ADK: variants seen among roughly 807,000 people sequenced by gnomAD.
The protein encoded by ADK is adenosine kinase, also known as N6,N6-dimethyladenosine kinase.
In ADK, 24 loss-of-function variants were observed where a neutral mutation model predicts 44.7. That is an observed-to-expected ratio of 0.54 (90% CI 0.39 to 0.76). The LOEUF is 0.76. Ranked by LOEUF, ADK falls within the 30% of genes least tolerant of loss-of-function variation. ADK has a pLI of 0.00. For missense variants in ADK, 321 were observed against 425.1 expected, an observed-to-expected ratio of 0.76 and a Z score of 2.15; for synonymous variants, 128 against 142.6, an observed-to-expected ratio of 0.90 and a Z score of 0.73.
chr10:74,530,885 A>C (rs899428976), intron 7 of ADK, among the ~76,000 whole-genome samples: 1 of 152,152 alleles, frequency 6.6e-6, no homozygotes, highest in Admixed American at 6.5e-5. Context: ...AAATTGCACC[A>C]CTGCACTCCA....
At chr10:74,240,199 G>A (rs1564612726) in intron 3 of ADK, among the ~76,000 whole-genome samples, 1 of 151,252 alleles carries the variant, frequency 6.6e-6, no homozygotes, top group Non-Finnish European at 1.5e-5. Context: ...ATTTTTAGCA[G>A]AGACAGGGTT....
intron 9 of ADK, among the ~76,000 whole-genome samples, chr10:74,645,646 C>T (rs1854028537): frequency 6.6e-6 from 1 of 152,024 alleles, no homozygotes; most frequent in South Asian, 2.1e-4. Context: ...TCACAAAGTC[C>T]CCAATTGCTA....
At chr10:74,345,185 G>A (rs1009612450) in intron 4 of ADK, among the ~76,000 whole-genome samples, 1 of 151,994 alleles carries the variant, frequency 6.6e-6, no homozygotes, top group South Asian at 2.1e-4. Context: ...TTAGTCATTT[G>A]TGCCTTTCTA....
intron 4 of ADK, among the ~76,000 whole-genome samples, chr10:74,381,985 T>C (rs1213348536): frequency 1.3e-5 from 2 of 152,202 alleles, no homozygotes; most frequent in African/African-American, 4.8e-5. Context: ...TGGTTATTAG[T>C]TGGCATGCTT....
intron 3 of ADK, among the ~76,000 whole-genome samples, chr10:74,242,039 C>G (rs571707062): frequency 1.3e-5 from 2 of 152,274 alleles, no homozygotes; most frequent in African/African-American, 4.8e-5. Context: ...TTCAGCTATC[C>G]TTGTTTCTGT....
chr10:74,447,208 A>AG (rs752542953), intron 6 of ADK, among the ~76,000 whole-genome samples: 1 of 152,158 alleles, frequency 6.6e-6, no homozygotes, highest in African/African-American at 2.4e-5. Context: ...AATGAGACCA[A>AG]GGGGCTTACA....
At chr10:74,226,151 A>G (rs1449171905) in intron 3 of ADK, among the ~76,000 whole-genome samples, 2 of 151,768 alleles carry the variant, frequency 1.3e-5, no homozygotes, top group Non-Finnish European at 2.9e-5. Context: ...TCCGTCACCT[A>G]GGCTGGAGTG....
At chr10:74,666,700 T>C (rs556456875) in intron 9 of ADK, among the ~76,000 whole-genome samples, 29 of 152,254 alleles carry the variant, frequency 1.9e-4, no homozygotes, top group Non-Finnish European at 3.1e-4. Flanking sequence ...GTAGGCTTCA[T>C]TGGTTGAATA....
intron 3 of ADK, among the ~76,000 whole-genome samples, chr10:74,231,999 C>T (rs1462620246): frequency 6.7e-6 from 1 of 148,834 alleles, no homozygotes. Context: ...GTCAGGTGGT[C>T]AGGTTACTTC....
At chr10:74,594,647 CTTCAA>C (rs1195649599) in intron 8 of ADK, among the ~76,000 whole-genome samples, 1 of 145,998 alleles carries the variant, frequency 6.8e-6, no homozygotes, top group Non-Finnish European at 1.5e-5. Flanking sequence ...AGAGATGTAT[CTTCAA>C]TTCAAAGATA....
At chr10:74,551,385 A>C (rs561478533) in intron 7 of ADK, 1 of 152,622 alleles carries the variant, frequency 6.6e-6, no homozygotes, top group East Asian at 1.9e-4. Context: ...ACAATAAAGA[A>C]AATATAGTCT....
chr10:74,462,685 C>T (rs1003987884), intron 6 of ADK, among the ~76,000 whole-genome samples: 1 of 152,118 alleles, frequency 6.6e-6, no homozygotes, highest in African/African-American at 2.4e-5. Flanking sequence ...CTCATATTTG[C>T]TGTGATGTTA....
chr10:74,629,031 G>A (rs1853319895), intron 9 of ADK, among the ~76,000 whole-genome samples: 1 of 151,950 alleles, frequency 6.6e-6, no homozygotes, highest in African/African-American at 2.4e-5. Flanking sequence ...AAATAATTCT[G>A]CACCCTACTC....
chr10:74,682,434 T>G (rs1248957906), intron 10 of ADK, among the ~76,000 whole-genome samples: 1 of 152,196 alleles, frequency 6.6e-6, no homozygotes, highest in East Asian at 1.9e-4. Context: ...ACATTGCTTC[T>G]CAGTTGCTCA....
At chr10:74,342,816 T>TGTGTGTGTGTGTGTG (rs56148690) in intron 4 of ADK, among the ~76,000 whole-genome samples, 15 of 151,632 alleles carry the variant, frequency 9.9e-5, no homozygotes, top group South Asian at 4.2e-4. Flanking sequence ...TGTGTGTGTG[T>TGTGTGTGTGTGTGTG]TTTAATATTG....
At chr10:74,283,154 CTAAT>C (rs1467012317) in intron 3 of ADK, among the ~76,000 whole-genome samples, 4 of 152,194 alleles carry the variant, frequency 2.6e-5, no homozygotes, top group Non-Finnish European at 4.4e-5. Context: ...TTTCTGCTAT[CTAAT>C]TAGTTCTCAT....
At chr10:74,280,724 C>G (rs1339753663) in intron 3 of ADK, among the ~76,000 whole-genome samples, 1 of 152,116 alleles carries the variant, frequency 6.6e-6, no homozygotes, top group East Asian at 1.9e-4. Context: ...GATCACTGCA[C>G]CTCACTCTGC....
In ADK at chr10:74,624,019, A is replaced by G. The variant is rs549998199; in HGVS notation, c.877+23526A>G. Among the ~76,000 whole-genome samples the G allele has an allele frequency of 6.6e-5, 10 of 152,278 alleles. No homozygotes were observed. The East Asian group carries it at 1.7e-3, about 26-fold the overall frequency. ...ATGCAAGCTTTTGGCTCAGAAAAAA[A>G]TCTTTGGAAGTATAGCTGAAAAGTC... On this transcript the variant is annotated intron_variant, in intron 9 of 10. Coordinates refer to ENST00000539909, the MANE Select transcript of ADK (RefSeq NM_006721.4).
At chr10:74,707,475 T>C (rs1251214575) in intron 10 of ADK, among the ~76,000 whole-genome samples, 1 of 152,106 alleles carries the variant, frequency 6.6e-6, no homozygotes, top group African/African-American at 2.4e-5. Context: ...CAACATATGC[T>C]TCCCTGGCTG....
Sources: allele counts gnomAD v4.1 joint callset (sites outside exome capture counted in the v4.1 genomes callset), GRCh38; gene constraint gnomAD v4.1.1; transcripts MANE v1.5; gene names NCBI Gene and HGNC (gene_info 2026-07-23, HGNC 2026-07-21).